The following BCL2 variants were observed in gnomAD, a reference collection of about 807,000 sequenced individuals.
The protein encoded by BCL2 is BCL2 apoptosis regulator.
In BCL2, 1 loss-of-function variant was observed where a neutral mutation model predicts 14.2. The observed-to-expected ratio is 0.07, with a 90% CI of 0.02 to 0.33. The LOEUF is 0.33. BCL2 is among the 10% of genes least tolerant of loss of function. BCL2 has a pLI of 0.99. For missense variants in BCL2, 247 were observed against 305.9 expected, an observed-to-expected ratio of 0.81 and a Z score of 1.44; for synonymous variants, 151 against 137.2, an observed-to-expected ratio of 1.10 and a Z score of -0.70.
At chr18:63,276,802 C>G (rs1912165508) in intron 2 of BCL2, among the ~76,000 whole-genome samples, 4 of 152,170 alleles carry the variant, frequency 2.6e-5, no homozygotes, top group African/African-American at 9.7e-5. Context: ...ATTATGTCTT[C>G]CAGTGTAGTC....
chr18:63,195,321 C>T (rs180951554), intron 2 of BCL2, among the ~76,000 whole-genome samples: 62 of 152,320 alleles, frequency 4.1e-4, no homozygotes, highest in African/African-American at 1.4e-3. Flanking sequence ...TGGACTGTGG[C>T]GGCCCTGGCT....
At chr18:63,269,124 T>A (rs184006103) in intron 2 of BCL2, among the ~76,000 whole-genome samples, 2,230 of 152,018 alleles carry the variant, frequency 0.015, 31 homozygotes, top group Non-Finnish European at 0.022. Context: ...GGTAATTTTT[T>A]AAAAAATTCT....
intron 2 of BCL2, among the ~76,000 whole-genome samples, chr18:63,255,612 A>G (rs1911448651): frequency 6.6e-6 from 1 of 152,116 alleles, no homozygotes; most frequent in African/African-American, 2.4e-5. Flanking sequence ...TCCTTTTCTC[A>G]CTTTGCAATT....
intron 2 of BCL2, among the ~76,000 whole-genome samples, chr18:63,238,875 C>G (rs1208781518): frequency 6.6e-6 from 1 of 152,172 alleles, no homozygotes; most frequent in Non-Finnish European, 1.5e-5. Flanking sequence ...TGGAGCATCC[C>G]CATCTGTCTA....
chr18:63,190,076 T>C (rs1014525514), intron 2 of BCL2, among the ~76,000 whole-genome samples: 3 of 152,174 alleles, frequency 2.0e-5, no homozygotes, highest in Non-Finnish European at 4.4e-5. Context: ...GCCCTGATCT[T>C]GGCATCATAA....
At chr18:63,253,813 T>C (rs1210203723) in intron 2 of BCL2, among the ~76,000 whole-genome samples, 1 of 151,584 alleles carries the variant, frequency 6.6e-6, no homozygotes, top group Non-Finnish European at 1.5e-5. Context: ...ATATACATAT[T>C]TGTGGCTATG....
At chr18:63,212,245 T>G (rs574724584) in intron 2 of BCL2, among the ~76,000 whole-genome samples, 185 of 151,616 alleles carry the variant, frequency 1.2e-3, no homozygotes, top group Non-Finnish European at 1.7e-3. Flanking sequence ...ACAGAATTGC[T>G]TGAACCCAGG....
intron 2 of BCL2, among the ~76,000 whole-genome samples, chr18:63,229,549 T>G (rs934917348): frequency 2.0e-5 from 3 of 152,152 alleles, no homozygotes; most frequent in African/African-American, 4.8e-5. Context: ...TCTCATGACA[T>G]CTAGTTGTTT....
At chr18:63,252,693 A>AC (rs1911351951) in intron 2 of BCL2, among the ~76,000 whole-genome samples, 1 of 152,222 alleles carries the variant, frequency 6.6e-6, no homozygotes, top group South Asian at 2.1e-4. Flanking sequence ...TTCACCATCC[A>AC]CCGTGATTGT....
intron 2 of BCL2, among the ~76,000 whole-genome samples, chr18:63,246,016 T>A (rs578026873): frequency 7.9e-5 from 12 of 152,304 alleles, no homozygotes; most frequent in South Asian, 2.1e-4. Flanking sequence ...TTTGTCAATA[T>A]GAGAGCTCTA....
chr18:63,269,567 T>C (rs2144237419), intron 2 of BCL2, among the ~76,000 whole-genome samples: 1 of 152,366 alleles, frequency 6.6e-6, no homozygotes, highest in South Asian at 2.1e-4. Context: ...TGGCCATTTT[T>C]ATCTAAAAGA....
At chr18:63,300,438 A>T (rs988736533) in intron 2 of BCL2, among the ~76,000 whole-genome samples, 2 of 150,144 alleles carry the variant, frequency 1.3e-5, no homozygotes, top group Non-Finnish European at 3.0e-5. Flanking sequence ...AAAAAGAAAG[A>T]GATCTTGTGC....
chr18:63,175,314 G>C (rs1047715260), intron 2 of BCL2, among the ~76,000 whole-genome samples: 2 of 152,226 alleles, frequency 1.3e-5, no homozygotes, highest in Admixed American at 6.5e-5. Flanking sequence ...TTAGACGTGG[G>C]AGTGGTACTA....
At chr18:63,259,804 G>C (rs1911602380) in intron 2 of BCL2, among the ~76,000 whole-genome samples, 1 of 152,196 alleles carries the variant, frequency 6.6e-6, no homozygotes, top group African/African-American at 2.4e-5. Context: ...CTGTATGTGG[G>C]AATCTATATT....
chr18:63,214,692 CTTTTTTAT>C (rs1568236413), intron 2 of BCL2, among the ~76,000 whole-genome samples: 2 of 150,980 alleles, frequency 1.3e-5, no homozygotes, highest in Admixed American at 6.6e-5. Context: ...CATTTCTTTT[CTTTTTTAT>C]TTATTTATTT....
chr18:63,158,301 C>T (rs1030491445), intron 2 of BCL2, among the ~76,000 whole-genome samples: 1 of 152,176 alleles, frequency 6.6e-6, no homozygotes, highest in Non-Finnish European at 1.5e-5. Flanking sequence ...ATTCATGCAC[C>T]TTCTCCTTCT....
At chr18:63,159,473 T>G in intron 2 of BCL2, among the ~76,000 whole-genome samples, 1 of 152,230 alleles carries the variant, frequency 6.6e-6, no homozygotes, top group Non-Finnish European at 1.5e-5. Flanking sequence ...CAGAGATAAC[T>G]GGGAATTTTC....
intron 2 of BCL2, among the ~76,000 whole-genome samples, chr18:63,146,501 G>A (rs1309172578): frequency 2.0e-5 from 3 of 152,256 alleles, no homozygotes; most frequent in African/African-American, 7.2e-5. Flanking sequence ...CCAGAGGCCC[G>A]CTCTACAAGC....
chr18:63,238,666 T>G (rs1202530023), intron 2 of BCL2, among the ~76,000 whole-genome samples: 1 of 152,226 alleles, frequency 6.6e-6, no homozygotes, highest in Non-Finnish European at 1.5e-5. Flanking sequence ...TGAAGGAGTG[T>G]GCAGAGTCTA....
Sources: gnomAD v4.1 joint callset for allele counts (sites outside exome capture counted in the v4.1 genomes callset) on GRCh38, gnomAD v4.1.1 for gene constraint, MANE v1.5 for transcripts, NCBI Gene and HGNC (gene_info 2026-07-23, HGNC 2026-07-21) for gene names.